TNFAIP8L3: variants seen among roughly 807,000 people sequenced by gnomAD.
TNFAIP8L3 encodes the protein tumor necrosis factor alpha-induced protein 8-like protein 3.
TNFAIP8L3 carries 7 observed loss-of-function variants against 11.8 expected under a neutral mutation model. The observed-to-expected ratio is 0.59, with a 90% CI of 0.34 to 1.11. The LOEUF (loss-of-function observed/expected upper bound fraction) is 1.11, where lower values mean the gene tolerates loss of function less well. Ranked by LOEUF, TNFAIP8L3 falls within the 50% of genes most tolerant of loss-of-function variation. TNFAIP8L3 has a pLI of 0.03. For synonymous variants in TNFAIP8L3, 98 were observed against 103.8 expected (o/e 0.94, Z 0.34); for missense variants, 219 against 258.6 (o/e 0.85, Z 1.05).
chr15:51,089,787 C>T (rs574642103), intron 1 of TNFAIP8L3, among the ~76,000 whole-genome samples: 1 of 152,210 alleles, frequency 6.6e-6, no homozygotes, highest in Non-Finnish European at 1.5e-5. Flanking sequence ...AAGCACAAGA[C>T]AAGGTCCTGA....
At chr15:51,063,616 C>T (rs533282130) in intron 1 of TNFAIP8L3, among the ~76,000 whole-genome samples, 1 of 152,270 alleles carries the variant, frequency 6.6e-6, no homozygotes, top group African/African-American at 2.4e-5. Flanking sequence ...CCAAGGTCCC[C>T]TTTGTCCCTT....
chr15:51,088,139 A>C (rs2065443061), intron 1 of TNFAIP8L3, among the ~76,000 whole-genome samples: 1 of 151,962 alleles, frequency 6.6e-6, no homozygotes, highest in South Asian at 2.1e-4. Flanking sequence ...AAAGTTATTT[A>C]TGTAGTGTCT....
At chr15:51,074,353 T>C (rs982391478) in intron 1 of TNFAIP8L3, among the ~76,000 whole-genome samples, 1 of 152,254 alleles carries the variant, frequency 6.6e-6, no homozygotes, top group Non-Finnish European at 1.5e-5. Flanking sequence ...GCCACCATTT[T>C]CTCTACTGGT....
At chr15:51,071,915 T>C (rs907109875) in intron 1 of TNFAIP8L3, among the ~76,000 whole-genome samples, 1 of 152,370 alleles carries the variant, frequency 6.6e-6, no homozygotes, top group Middle Eastern at 3.4e-3. Context: ...TCCTGATTGC[T>C]GGTGAGAGTC....
intron 1 of TNFAIP8L3, among the ~76,000 whole-genome samples, chr15:51,066,316 C>G (rs543517073): frequency 6.6e-6 from 1 of 152,206 alleles, no homozygotes; most frequent in African/African-American, 2.4e-5. Context: ...GTACACACCA[C>G]CATGCCTGGC....
chr15:51,095,918 A>G (rs4598846), upstream of TNFAIP8L3, among the ~76,000 whole-genome samples: 43,381 of 152,066 alleles, frequency 0.29, 6,377 homozygotes, highest in East Asian at 0.46. Flanking sequence ...CTTACTGAAC[A>G]TTTCCCTTTG....
chr15:51,063,853 G>A (rs1480113395), intron 1 of TNFAIP8L3, among the ~76,000 whole-genome samples: 1 of 152,230 alleles, frequency 6.6e-6, no homozygotes, highest in African/African-American at 2.4e-5. Context: ...GGATTTGCAT[G>A]TAGGTAGGGA....
At chr15:51,098,646 G>A (rs971796948), upstream of TNFAIP8L3, among the ~76,000 whole-genome samples, 2 of 152,124 alleles carry the variant, frequency 1.3e-5, no homozygotes, top group Non-Finnish European at 2.9e-5. Flanking sequence ...CAGATTACTA[G>A]AAAAATTGGA....
chr15:51,099,477 G>GA (rs2065535502), upstream of TNFAIP8L3, among the ~76,000 whole-genome samples: 1 of 152,064 alleles, frequency 6.6e-6, no homozygotes, highest in African/African-American at 2.4e-5. Flanking sequence ...AGAGAGAGAA[G>GA]AAAACTCTAT....
intron 1 of TNFAIP8L3, among the ~76,000 whole-genome samples, chr15:51,082,332 A>G (rs1377012426): frequency 8.5e-5 from 13 of 152,316 alleles, no homozygotes; most frequent in Admixed American, 7.8e-4. Context: ...ATATCTAAAC[A>G]TGTATAAGGT....
intron 1 of TNFAIP8L3, among the ~76,000 whole-genome samples, chr15:51,073,146 G>A (rs377582270): frequency 6.6e-6 from 1 of 151,878 alleles, no homozygotes; most frequent in Non-Finnish European, 1.5e-5. Context: ...ACAGGCATGC[G>A]CCACCATGCC....
At chr15:51,104,881 C>G (rs1229474496) in intron 1 of TNFAIP8L3, 2 of 1,125,500 alleles carry the variant, frequency 1.8e-6, no homozygotes, top group African/African-American at 3.1e-5. Context: ...AAGAGATGGG[C>G]TGCCTGTGCT....
At chr15:51,081,236 G>A (rs1437379268) in intron 1 of TNFAIP8L3, among the ~76,000 whole-genome samples, 2 of 152,228 alleles carry the variant, frequency 1.3e-5, no homozygotes, top group Admixed American at 6.5e-5. Context: ...TCTCAGGTGA[G>A]GCAGAGAGCT....
intron 1 of TNFAIP8L3, among the ~76,000 whole-genome samples, chr15:51,084,727 TGAG>T (rs1234867007): frequency 6.6e-6 from 1 of 151,896 alleles, no homozygotes; most frequent in Non-Finnish European, 1.5e-5. Flanking sequence ...TCCTAAACAG[TGAG>T]GAGGAGGGGT....
intron 1 of TNFAIP8L3, among the ~76,000 whole-genome samples, chr15:51,070,725 A>C (rs1787881547): frequency 1.3e-5 from 2 of 152,168 alleles, no homozygotes; most frequent in Admixed American, 6.5e-5. Flanking sequence ...TTTAAGATGG[A>C]GATTGAGCAG....
At chr15:51,092,982 G>C (rs1382619245) in intron 1 of TNFAIP8L3, among the ~76,000 whole-genome samples, 1 of 152,168 alleles carries the variant, frequency 6.6e-6, no homozygotes, top group Non-Finnish European at 1.5e-5. Context: ...AGGATTTTGA[G>C]AGAGTTAAGC....
chr15:51,101,851 C>T (rs1011558650), intron 1 of TNFAIP8L3, among the ~76,000 whole-genome samples: 5 of 140,296 alleles, frequency 3.6e-5, no homozygotes, highest in Non-Finnish European at 1.5e-5. Flanking sequence ...GAGGCTGAGG[C>T]AAGAGAATGG....
intron 1 of TNFAIP8L3, chr15:51,064,545 G>A (rs923007585): frequency 1.3e-5 from 2 of 152,094 alleles, no homozygotes; most frequent in African/African-American, 4.8e-5. Flanking sequence ...GAAATACTGG[G>A]ATAGGATTGA....
upstream of TNFAIP8L3, among the ~76,000 whole-genome samples, chr15:51,095,129 T>C (rs1179803867): frequency 3.4e-5 from 5 of 148,366 alleles, no homozygotes; most frequent in South Asian, 2.1e-4. Context: ...TTCCGACTTA[T>C]GGGGTTGCCA....
Sources: allele counts gnomAD v4.1 joint callset (sites outside exome capture counted in the v4.1 genomes callset), GRCh38; gene constraint gnomAD v4.1.1; transcripts MANE v1.5; gene names NCBI Gene and HGNC (gene_info 2026-07-23, HGNC 2026-07-21).